Variants in TTC13 observed in about 807,000 individuals in gnomAD.
TTC13 encodes the protein tetratricopeptide repeat domain 13.
TTC13 carries 62 observed loss-of-function variants against 120.0 expected under a neutral mutation model. That is an observed-to-expected ratio of 0.52 (90% CI 0.42 to 0.64). The LOEUF (loss-of-function observed/expected upper bound fraction) is 0.64, where lower values mean the gene tolerates loss of function less well. Among genes scored for constraint, TTC13 ranks in the 30% least tolerant of loss-of-function variants. The pLI is 0.00. For missense variants in TTC13, 824 were observed against 1,050.2 expected (o/e 0.78, Z 2.98); for synonymous variants, 384 against 393.5 (o/e 0.98, Z 0.28).
chr1:230,955,173 G>A (rs1419282725), intron 3 of TTC13, among the ~76,000 whole-genome samples: 2 of 152,078 alleles, frequency 1.3e-5, no homozygotes, highest in Non-Finnish European at 2.9e-5. Context: ...CTGACTGCTT[G>A]ACCCTTAGCC....
chr1:230,948,239 A>C (rs1281819813), intron 4 of TTC13, among the ~76,000 whole-genome samples: 1 of 151,982 alleles, frequency 6.6e-6, no homozygotes, highest in East Asian at 1.9e-4. Flanking sequence ...ATATATACAC[A>C]CATGTATCAG....
intron 18 of TTC13, among the ~76,000 whole-genome samples, chr1:230,914,552 G>C (rs1056804789): frequency 1.3e-4 from 19 of 151,934 alleles, no homozygotes; most frequent in Non-Finnish European, 2.4e-4. Context: ...GCGCCACCAG[G>C]CCTGGCTAAT....
intron 15 of TTC13, among the ~76,000 whole-genome samples, chr1:230,922,028 G>C (rs1672618242): frequency 6.6e-6 from 1 of 152,082 alleles, no homozygotes; most frequent in Non-Finnish European, 1.5e-5. Context: ...ACATGACACA[G>C]CCGACTGCTC....
chr1:230,959,760 G>A (rs1676452551), intron 2 of TTC13, among the ~76,000 whole-genome samples: 1 of 152,226 alleles, frequency 6.6e-6, no homozygotes, highest in African/African-American at 2.4e-5. Flanking sequence ...TCTGGACAGA[G>A]TTGAGAAGCT....
intron 1 of TTC13, among the ~76,000 whole-genome samples, chr1:230,975,146 G>A (rs1365614348): frequency 6.6e-6 from 1 of 152,026 alleles, no homozygotes; most frequent in Non-Finnish European, 1.5e-5. Flanking sequence ...AGGCTGAGGT[G>A]GAAGTACTGC....
chr1:230,917,715 T>C (rs888577158), intron 17 of TTC13, among the ~76,000 whole-genome samples: 1 of 151,976 alleles, frequency 6.6e-6, no homozygotes, highest in Non-Finnish European at 1.5e-5. Context: ...CGATGCCGCG[T>C]CTCAGGCTGC....
chr1:230,966,147 G>A (rs935834454), intron 1 of TTC13, among the ~76,000 whole-genome samples: 3 of 151,796 alleles, frequency 2.0e-5, no homozygotes, highest in African/African-American at 7.3e-5. Flanking sequence ...AATGTTTTTT[G>A]GTTTTTATTA....
chr1:230,954,251 T>C, intron 4 of TTC13, 82 bp downstream of exon 4: 1 of 946,266 alleles, frequency 1.1e-6, no homozygotes, highest in Non-Finnish European at 1.7e-6. Context: ...ACATGTCGTA[T>C]TACAGCACTT....
intron 18 of TTC13, among the ~76,000 whole-genome samples, chr1:230,913,227 T>A (rs978783709): frequency 1.3e-5 from 2 of 152,200 alleles, no homozygotes; most frequent in African/African-American, 4.8e-5. Context: ...TGAGGTTCTG[T>A]GGAGGATATA....
In TTC13 at chr1:230,906,593, T is replaced by G. The variant is rs569440998; in HGVS notation, c.*312A>C. The G allele has an allele frequency of 5.9e-6, 1 of 169,166 alleles. No individual in the cohort carries two copies. Among genetic ancestry groups the G allele is most frequent in the East Asian group, 1.6e-4 (1 of 6,274 alleles). 10.5% of individuals were successfully genotyped at this position (169,166 alleles called of 1,614,324 possible). A position where few individuals can be genotyped will look rare whatever the true frequency, so the allele number is the denominator to read the frequency against. On this transcript the variant is annotated 3_prime_UTR_variant, in exon 23 of 23. Coordinates refer to ENST00000366661, the MANE Select transcript of TTC13 (RefSeq NM_024525.5). The stretch of plus-strand genomic sequence containing the variant: ...GTTTTTGTTCATCTTCAGTATTATA[T>G]TTTAGTTGTTGAGGAAAATTTTTTT...
At position 230,911,508 on chromosome 1, in the gene TTC13, ATAAAC is replaced by A; in HGVS notation, c.2266_2270del (p.Val756LeufsTer4). 1 of 1,607,342 alleles carries A rather than the reference ATAAAC, an allele frequency of 6.2e-7. No homozygotes were observed. Among genetic ancestry groups the A allele is most frequent in the Non-Finnish European group, 8.5e-7 (1 of 1,177,050 alleles). On this transcript the variant is annotated frameshift_variant, in exon 20 of 23. Coordinates refer to ENST00000366661, the MANE Select transcript of TTC13 (RefSeq NM_024525.5). LOFTEE classifies it high-confidence loss of function. ...AGAGTGGCATTAAATTATAAAAGTA[ATAAAC>A]TAAGGATAAGATTAAGTTGCAGACA...
At chr1:230,949,980 T>C (rs1572254274) in intron 4 of TTC13, among the ~76,000 whole-genome samples, 1 of 152,202 alleles carries the variant, frequency 6.6e-6, no homozygotes, top group African/African-American at 2.4e-5. Flanking sequence ...AATTTTTTCC[T>C]AACAGTCAAG....
chr1:230,965,239 T>C (rs1252065262), intron 1 of TTC13, among the ~76,000 whole-genome samples: 1 of 152,100 alleles, frequency 6.6e-6, no homozygotes, highest in Non-Finnish European at 1.5e-5. Flanking sequence ...TGACAAGCGA[T>C]TAGTAACCAG....
intron 4 of TTC13, among the ~76,000 whole-genome samples, chr1:230,949,714 T>C (rs776052498): frequency 2.8e-4 from 42 of 152,272 alleles, no homozygotes; most frequent in African/African-American, 7.5e-4. Flanking sequence ...GGCGCGATCT[T>C]GGCTCACTGC....
intron 8 of TTC13, among the ~76,000 whole-genome samples, chr1:230,936,892 A>AGGGACACC (rs1290981435): frequency 6.5e-4 from 99 of 152,360 alleles, no homozygotes; most frequent in Non-Finnish European, 1.1e-3. Context: ...TCTGTGTAAC[A>AGGGACACC]GGGACACCCT....
Position 230,942,846 on chromosome 1 carries a change from G to A in TTC13, c.672+960C>T, listed in dbSNP as rs1165865628. ...AGCCTCGCTTCCTCCGACAGCCTCA[G>A]CAAACACTCCCAACATTCCCCTTCT... On this transcript the variant is annotated intron_variant, in intron 6 of 22. Transcript: ENST00000366661. The surrounding 1 kb of genome is among the most constrained non-coding windows in gnomAD (Gnocchi z 4.0). 6.6e-6 allele frequency among the ~76,000 whole-genome samples: 1 copy of A among 152,110 alleles called. No homozygotes were observed. The highest frequency in any genetic ancestry group is 1.9e-4 in the East Asian group (1 of 5,196).
chr1:230,908,592 A>C (rs1671171745), intron 22 of TTC13, 120 bp downstream of exon 22: 2 of 729,106 alleles, frequency 2.7e-6, no homozygotes, highest in Non-Finnish European at 4.6e-6. Context: ...ATTGTATTAC[A>C]TATTAACTTA....
intron 18 of TTC13, among the ~76,000 whole-genome samples, chr1:230,914,316 G>A (rs1242612640): frequency 1.3e-5 from 2 of 152,000 alleles, no homozygotes; most frequent in African/African-American, 4.8e-5. Context: ...CCTACTCAAC[G>A]TGAAGATAGT....
At chr1:230,949,830 T>C (rs927005040) in intron 4 of TTC13, among the ~76,000 whole-genome samples, 1 of 152,088 alleles carries the variant, frequency 6.6e-6, no homozygotes, top group African/African-American at 2.4e-5. Context: ...TTTGTATTTT[T>C]AGTAGAGACG....
Sources: gnomAD v4.1 joint callset for allele counts (sites outside exome capture counted in the v4.1 genomes callset) on GRCh38, gnomAD v4.1.1 for gene constraint, Gnocchi (gnomAD v3.1) non-coding constraint, MANE v1.5 for transcripts, NCBI Gene and HGNC (gene_info 2026-07-23, HGNC 2026-07-21) for gene names.